Variants in NETO1 observed in about 807,000 individuals in gnomAD.
NETO1 encodes the protein neuropilin and tolloid-like protein 1.
Under a neutral mutation model 61.3 loss-of-function variants are expected in NETO1, and 26 were observed. The observed-to-expected ratio is 0.42, with a 90% CI of 0.31 to 0.59. The LOEUF (loss-of-function observed/expected upper bound fraction) is 0.59, where lower values mean the gene tolerates loss of function less well. Ranked by LOEUF, NETO1 falls within the 20% of genes least tolerant of loss-of-function variation. The probability of loss-of-function intolerance (pLI) is 0.12; values close to 1 mark genes in which losing one functional copy is unlikely to be tolerated. For synonymous variants in NETO1, 225 were observed against 225.8 expected, an observed-to-expected ratio of 1.00 and a Z score of 0.03; for missense variants, 531 against 662.8, an observed-to-expected ratio of 0.80 and a Z score of 2.18.
intron 3 of NETO1, among the ~76,000 whole-genome samples, chr18:72,864,543 C>G (rs1181649489): frequency 1.3e-5 from 2 of 152,216 alleles, no homozygotes; most frequent in African/African-American, 4.8e-5. Context: ...AACTCTAAAT[C>G]AATTAAGCCA....
At chr18:72,774,652 T>C (rs999676575) in intron 7 of NETO1, among the ~76,000 whole-genome samples, 1 of 152,222 alleles carries the variant, frequency 6.6e-6, no homozygotes, top group Non-Finnish European at 1.5e-5. Flanking sequence ...TTTCTTGGTA[T>C]TTGTGGCTTC....
chr18:72,756,143 A>G lies in NETO1; in HGVS notation c.873T>C (p.Pro291=), dbSNP rs1269938986. 6.4e-6 allele frequency: 10 copies of G among 1,558,158 alleles called. No individual in the cohort carries two copies. In the African/African-American group the frequency reaches 1.2e-4, roughly 19 times the overall value. ...GGCAGAAGAATGTGTTGCCTTCACA[A>G]GGAGCTAAAAAGAAGAAGAACAAGA... The part of the protein sequence containing the change: ...QMLFTSFQEP[P]CEGNTFFCHS... The change falls in exon 8 of 11, where the codon CCT becomes CCC. Residue 291 remains proline (P), a synonymous_variant. Coordinates refer to ENST00000327305, the MANE Select transcript of NETO1 (RefSeq NM_138966.5).
At chr18:72,840,593 T>C (rs1448581563) in intron 4 of NETO1, among the ~76,000 whole-genome samples, 3 of 152,200 alleles carry the variant, frequency 2.0e-5, no homozygotes, top group East Asian at 1.9e-4. Context: ...TCATGCATTA[T>C]ATAACCCAAC....
intron 1 of NETO1, among the ~76,000 whole-genome samples, chr18:72,866,537 T>C (rs2074737718): frequency 6.6e-6 from 1 of 152,184 alleles, no homozygotes; most frequent in Non-Finnish European, 1.5e-5. Context: ...CTTCCTGTTT[T>C]GATGAAATCA....
At chr18:72,794,454 A>G in intron 4 of NETO1, 50 bp from the exon 5 acceptor site, 2 of 1,537,552 alleles carry the variant, frequency 1.3e-6, no homozygotes, top group Non-Finnish European at 1.8e-6. Context: ...TTTATTACTT[A>G]CAGTGAGTTT....
intron 6 of NETO1, among the ~76,000 whole-genome samples, chr18:72,786,187 A>G (rs1011188617): frequency 6.6e-6 from 1 of 152,212 alleles, no homozygotes; most frequent in African/African-American, 2.4e-5. Context: ...AATAATGATA[A>G]TTACATAGAA....
At chr18:72,826,383 T>C (rs990763437) in intron 4 of NETO1, among the ~76,000 whole-genome samples, 17 of 152,212 alleles carry the variant, frequency 1.1e-4, no homozygotes, top group South Asian at 2.1e-4. Flanking sequence ...TAGGTTTTAA[T>C]TTCAAATGTT....
At chr18:72,758,428 G>T (rs186772156) in intron 7 of NETO1, among the ~76,000 whole-genome samples, 114 of 142,852 alleles carry the variant, frequency 8.0e-4, no homozygotes, top group Middle Eastern at 3.8e-3. Context: ...GGGGGTGGGG[G>T]TGTTTGTAAT....
chr18:72,755,076 C>A (rs1052912272), intron 8 of NETO1, among the ~76,000 whole-genome samples: 2 of 152,154 alleles, frequency 1.3e-5, no homozygotes, highest in African/African-American at 4.8e-5. Context: ...CACATCCATT[C>A]ACATTTGTTG....
intron 4 of NETO1, chr18:72,834,518 A>T: frequency 1.0e-6 from 1 of 963,364 alleles, no homozygotes; most frequent in Non-Finnish European, 1.2e-6. Context: ...AACTATTCTG[A>T]ATATTAATTA....
Position 72,772,759 on chromosome 18 carries a change from C to A in NETO1, c.868+10919G>T, listed in dbSNP as rs796756262. On this transcript the variant is annotated intron_variant, in intron 7 of 10. Coordinates refer to ENST00000327305, the MANE Select transcript of NETO1 (RefSeq NM_138966.5). ...CACACACACATCTCTCTATATATATCTATATATATATATATATACAGATCT... is the reference window on the plus strand; with the variant it reads ...CACACACACATCTCTCTATATATATATATATATATATATATATACAGATCT... 1.6e-3 allele frequency among the ~76,000 whole-genome samples: 166 copies of A among 102,300 alleles called. 1 individual carries two copies. The Middle Eastern group carries it at 0.016, about 10-fold the overall frequency. The allele number at this position is 102,300 out of a possible 152,430, so 67.1% of individuals were successfully genotyped here. A position where few individuals can be genotyped will look rare whatever the true frequency, so the allele number is the denominator to read the frequency against.
chr18:72,743,389 T>A (rs943394286), downstream of NETO1, among the ~76,000 whole-genome samples: 5 of 152,230 alleles, frequency 3.3e-5, no homozygotes, highest in Non-Finnish European at 7.3e-5. Context: ...CTTAAGAAGA[T>A]ACCTATATTC....
Position 72,830,918 on chromosome 18 carries a change from T to C in NETO1, c.469+27908A>G, listed in dbSNP as rs2073554826. On this transcript the variant is annotated intron_variant, in intron 4 of 10. Coordinates refer to ENST00000327305, the MANE Select transcript of NETO1 (RefSeq NM_138966.5). This position sits in a 1 kb window ranked among gnomAD's most constrained non-coding sequence, Gnocchi z 4.9. ...TTTCATTTACCACTGCAGGAAAAACTGTACTTGATAGGGTTGTCAATTATG... is the reference window on the plus strand; with the variant it reads ...TTTCATTTACCACTGCAGGAAAAACCGTACTTGATAGGGTTGTCAATTATG... Among the ~76,000 whole-genome samples, 2 of 152,142 alleles carry C rather than the reference T, an allele frequency of 1.3e-5. No individual in the cohort carries two copies. The highest frequency in any genetic ancestry group is 6.5e-5 in the Admixed American group (1 of 15,270).
At chr18:72,763,733 T>C in intron 7 of NETO1, among the ~76,000 whole-genome samples, 1 of 152,154 alleles carries the variant, frequency 6.6e-6, no homozygotes, top group East Asian at 1.9e-4. Context: ...ATCTTTAATT[T>C]GAATGGAAAT....
chr18:72,756,174 G>A, intron 7 of NETO1, 27 bp from the exon 8 acceptor site: 4 of 1,167,508 alleles, frequency 3.4e-6, no homozygotes, highest in African/African-American at 1.5e-5. Flanking sequence ...CAAGACAAAG[G>A]AGGAAAGTTA....
intron 4 of NETO1, among the ~76,000 whole-genome samples, chr18:72,820,215 A>G (rs2073148530): frequency 6.6e-6 from 1 of 152,228 alleles, no homozygotes; most frequent in Non-Finnish European, 1.5e-5. Flanking sequence ...AGGAGGACGA[A>G]TAATTTTTAC....
chr18:72,775,060 C>T (rs1440923345), intron 7 of NETO1, among the ~76,000 whole-genome samples: 1 of 152,116 alleles, frequency 6.6e-6, no homozygotes, highest in Non-Finnish European at 1.5e-5. Context: ...CCTTGTGATG[C>T]CATAAATCAG....
At chr18:72,762,516 AAC>A (rs1318554455) in intron 7 of NETO1, among the ~76,000 whole-genome samples, 1 of 152,210 alleles carries the variant, frequency 6.6e-6, no homozygotes, top group East Asian at 1.9e-4. Flanking sequence ...ATACATTAAA[AAC>A]ACACAAAAAA....
chr18:72,834,356 A>G (rs1385056445), intron 4 of NETO1: 1 of 915,504 alleles, frequency 1.1e-6, no homozygotes, highest in Non-Finnish European at 1.3e-6. Flanking sequence ...GAAAAGAGAC[A>G]TTAAATAGGT....
Sources: allele counts gnomAD v4.1 joint callset (sites outside exome capture counted in the v4.1 genomes callset), GRCh38; gene constraint gnomAD v4.1.1; non-coding constraint Gnocchi (gnomAD v3.1); transcripts MANE v1.5; gene names NCBI Gene and HGNC (gene_info 2026-07-23, HGNC 2026-07-21).